Variants in KLHL41 observed in about 807,000 individuals in gnomAD.
KLHL41 encodes kelch like family member 41.
KLHL41 carries 31 observed loss-of-function variants against 49.2 expected under a neutral mutation model. That is an observed-to-expected ratio of 0.63 (90% CI 0.47 to 0.85). KLHL41 has a LOEUF of 0.85. Ranked by LOEUF, KLHL41 falls within the 40% of genes least tolerant of loss-of-function variation. KLHL41 has a pLI of 0.00. For synonymous variants in KLHL41, 218 were observed against 258.5 expected (o/e 0.84, Z 1.50); for missense variants, 663 against 726.7 (o/e 0.91, Z 1.01).
intron 5 of KLHL41, among the ~76,000 whole-genome samples, chr2:169,522,637 CA>C (rs1206151877): frequency 1.3e-5 from 2 of 149,174 alleles, no homozygotes; most frequent in Admixed American, 1.3e-4. Flanking sequence ...GGCCTTAACA[CA>C]GACCAATTAT....
intron 4 of KLHL41, among the ~76,000 whole-genome samples, chr2:169,519,312 A>C (rs1171580355): frequency 2.6e-5 from 4 of 152,178 alleles, no homozygotes; most frequent in African/African-American, 9.7e-5. Context: ...AAATATTATT[A>C]CTTTTTTTAG....
Position 169,510,882 on chromosome 2 carries a change from C to T in KLHL41, c.1104C>T (p.Phe368=). The change falls in exon 1 of 6, where the codon TTC becomes TTT. Residue 368 remains phenylalanine (F), a synonymous_variant. Transcript: ENST00000284669. This position sits in a 1 kb window ranked among gnomAD's most constrained non-coding sequence, Gnocchi z 4.2. Reference sequence around the variant, plus strand: ...AGGATCAACCTCTACAGTCATACTTCTTCCAGGTAAGAAGGACTTTTTGTA... The same window carrying T: ...AGGATCAACCTCTACAGTCATACTTTTTCCAGGTAAGAAGGACTTTTTGTA... The part of the protein sequence containing the change: ...ENKDQPLQSY[F]FQLDSIASEW... The T allele has an allele frequency of 6.2e-7, 1 of 1,611,094 alleles. No homozygotes were observed. Among genetic ancestry groups the T allele is most frequent in the Non-Finnish European group, 8.5e-7 (1 of 1,178,190 alleles).
chr2:169,520,330 G>GTATGTGTGTGTGTGTGT (rs1684184636), intron 4 of KLHL41, among the ~76,000 whole-genome samples: 1 of 148,180 alleles, frequency 6.7e-6, no homozygotes. Context: ...GTGTGTGTGT[G>GTATGTGTGTGTGTGTGT]GAGGCAGTCC....
rs59155387 is a variant in KLHL41 at position 169,520,152 on chromosome 2, CTGTGTGTGTGTGTGTGTGTGTGTGTG to C, written c.1563-677_1563-652del. ...TAGGGACATACCACCAGGCCTAGCT[CTGTGTGTGTGTGTGTGTGTGTGTGTG>C]TGTGTGTGTGTGTGTGTGTGTGTGT... On this transcript the variant is annotated intron_variant, in intron 4 of 5. Coordinates refer to ENST00000284669, the MANE Select transcript of KLHL41 (RefSeq NM_006063.3). Among the ~76,000 whole-genome samples, 92 of 105,036 alleles carry C rather than the reference CTGTGTGTGTGTGTGTGTGTGTGTGTG, an allele frequency of 8.8e-4. 2 individuals are homozygous for C. Among genetic ancestry groups the C allele is most frequent in the Admixed American group, 3.9e-3 (39 of 10,090 alleles). The allele number at this position is 105,036 out of a possible 152,430, so 68.9% of individuals were successfully genotyped here.
chr2:169,509,834 T>C lies in KLHL41; in HGVS notation c.56T>C (p.Leu19Pro). ...CTGCGGCTTTACCAATCCACCCTTC[T>C]TCAGGATGGTCTAAAAGATCTCCTG... The part of the protein sequence containing the change: ...EELRLYQSTL[L>P]QDGLKDLLDE... Residue 19 changes from leucine to proline, a missense_variant, in exon 1 of 6, where the codon CTT becomes CCT. This residue lies in a region of KLHL41 where 129 missense variants were observed against 122.1 expected (regional missense o/e 1.06). Coordinates refer to ENST00000284669, the MANE Select transcript of KLHL41 (RefSeq NM_006063.3). 1 of 1,613,906 alleles carries C rather than the reference T, an allele frequency of 6.2e-7. No homozygotes were observed. Among genetic ancestry groups the C allele is most frequent in the South Asian group, 1.1e-5 (1 of 91,074 alleles).
chr2:169,511,707 T>C (rs949485116), intron 1 of KLHL41, among the ~76,000 whole-genome samples: 3 of 152,236 alleles, frequency 2.0e-5, no homozygotes, highest in South Asian at 2.1e-4. Flanking sequence ...AAGTCGCTAA[T>C]TTGAATTAAT....
chr2:169,518,455 C>G (rs750186432), intron 4 of KLHL41, 80 bp downstream of exon 4: 54 of 1,113,456 alleles, frequency 4.8e-5, no homozygotes, highest in Non-Finnish European at 6.9e-5. Flanking sequence ...AGTTATCTTT[C>G]TAATTAGGAT....
In KLHL41 at chr2:169,525,778, G is replaced by A; in HGVS notation, c.*82G>A. On this transcript the variant is annotated 3_prime_UTR_variant, in exon 6 of 6. Coordinates refer to ENST00000284669, the MANE Select transcript of KLHL41 (RefSeq NM_006063.3). ...AATTTATTCTGTTTTTTAAAAGCTT[G>A]TACAGACACTCATGTAGAAATTATT... is the stretch of plus-strand genomic sequence containing the variant. 3 of 728,374 alleles carry A rather than the reference G, an allele frequency of 4.1e-6. No homozygotes were observed. Among genetic ancestry groups the A allele is most frequent in the Non-Finnish European group, 7.0e-6 (3 of 427,114 alleles). The allele number at this position is 728,374 out of a possible 1,614,324, so 45.1% of individuals were successfully genotyped here. A position where few individuals can be genotyped will look rare whatever the true frequency, so the allele number is the denominator to read the frequency against.
chr2:169,512,326 C>G (rs1684041147), intron 1 of KLHL41, among the ~76,000 whole-genome samples: 1 of 152,042 alleles, frequency 6.6e-6, no homozygotes, highest in Admixed American at 6.6e-5. Flanking sequence ...GCTATAAATA[C>G]ATCCAGGAAG....
intron 3 of KLHL41, among the ~76,000 whole-genome samples, chr2:169,517,127 A>G (rs529793330): frequency 1.3e-5 from 2 of 152,350 alleles, no homozygotes; most frequent in South Asian, 4.1e-4. Context: ...AATGATACCA[A>G]TAGTCAAATA....
chr2:169,525,646 G>A lies in KLHL41; in HGVS notation c.1771G>A (p.Ala591Thr). 1 of 1,613,614 alleles carries A rather than the reference G, an allele frequency of 6.2e-7. No individual in the cohort carries two copies. The highest frequency in any genetic ancestry group is 8.5e-7 in the Non-Finnish European group (1 of 1,179,558). The change falls in exon 6 of 6, where the codon GCT becomes ACT. Residue 591 changes from alanine to threonine, a missense_variant. Around this residue, in one of 3 missense-constraint regions of KLHL41, gnomAD observed 528 missense variants for 581.0 expected, o/e 0.91. Transcript: ENST00000284669. ...GAAGGAAATACGTTATGCTTCAGGA[G>A]CTAGTTGCCTAGCAACACGTTTAAA... ...MLKEIRYASG[A>T]SCLATRLNLF...
chr2:169,516,539 AC>A (rs1029596179), intron 3 of KLHL41, among the ~76,000 whole-genome samples: 10 of 152,194 alleles, frequency 6.6e-5, no homozygotes, highest in Non-Finnish European at 1.2e-4. Context: ...CTTTGGAAAC[AC>A]AGGAACCCTG....
intron 4 of KLHL41, among the ~76,000 whole-genome samples, chr2:169,519,651 C>G (rs1419297255): frequency 7.2e-6 from 1 of 138,482 alleles, no homozygotes; most frequent in Non-Finnish European, 1.5e-5. Flanking sequence ...TTTTCTCAAA[C>G]TTTTTTTTTT....
chr2:169,525,826 T>C lies in KLHL41; in HGVS notation c.*130T>C. The stretch of plus-strand genomic sequence containing the variant: ...ATTCAAGAAGTTATTGTCTAAGAGA[T>C]GAGCAGTAGGTAAGAAAACCTCAGT... On this transcript the variant is annotated 3_prime_UTR_variant, in exon 6 of 6. Transcript: ENST00000284669. The C allele has an allele frequency of 3.7e-6, 2 of 537,602 alleles. No individual in the cohort carries two copies. Among genetic ancestry groups the C allele is most frequent in the Non-Finnish European group, 6.6e-6 (2 of 304,202 alleles). 33.3% of individuals were successfully genotyped at this position (537,602 alleles called of 1,614,324 possible).
Position 169,510,999 on chromosome 2 carries a change from GTCCTATTCCAGT to G in KLHL41, c.1110+112_1110+123del. On this transcript the variant is annotated intron_variant, in intron 1 of 5. Transcript: ENST00000284669. This position sits in a 1 kb window ranked among gnomAD's most constrained non-coding sequence, Gnocchi z 4.2. ...CTGCTTGCATTTTACTCTAATTGATGTCCTATTCCAGTCCCTTGCACTTTTGCTGTATAGAGC... is the reference window on the plus strand; with the variant it reads ...CTGCTTGCATTTTACTCTAATTGATGCCCTTGCACTTTTGCTGTATAGAGC... 1.1e-6 allele frequency: 1 copy of G among 890,394 alleles called. No individual in the cohort carries two copies. The highest frequency in any genetic ancestry group is 1.7e-6 in the Non-Finnish European group (1 of 576,132). 55.2% of individuals were successfully genotyped at this position (890,394 alleles called of 1,614,324 possible).
intron 3 of KLHL41, among the ~76,000 whole-genome samples, chr2:169,516,624 G>T (rs941121444): frequency 3.3e-5 from 5 of 152,198 alleles, no homozygotes; most frequent in Admixed American, 2.6e-4. Context: ...GAAGCATACA[G>T]TTCTTGTCAG....
intron 4 of KLHL41, among the ~76,000 whole-genome samples, chr2:169,520,642 G>T (rs919165690): frequency 6.6e-6 from 1 of 151,288 alleles, no homozygotes; most frequent in African/African-American, 2.4e-5. Flanking sequence ...TGGTAGAGGT[G>T]GGGTTTCACC....
intron 5 of KLHL41, among the ~76,000 whole-genome samples, chr2:169,523,818 T>C (rs1316465911): frequency 6.6e-6 from 1 of 152,054 alleles, no homozygotes; most frequent in African/African-American, 2.4e-5. Flanking sequence ...ACTCTGGGGG[T>C]GATAGGGCCA....
At chr2:169,511,275 C>T (rs1009298644) in intron 1 of KLHL41, among the ~76,000 whole-genome samples, 2 of 152,138 alleles carry the variant, frequency 1.3e-5, no homozygotes, top group African/African-American at 4.8e-5. Flanking sequence ...GTCTCGAACT[C>T]CTGGGCTCAA....
Sources: gnomAD v4.1 joint callset for allele counts (sites outside exome capture counted in the v4.1 genomes callset) on GRCh38, gnomAD v4.1.1 for gene constraint, gnomAD v4.1.1 regional missense constraint, Gnocchi (gnomAD v3.1) non-coding constraint, MANE v1.5 for transcripts, NCBI Gene and HGNC (gene_info 2026-07-23, HGNC 2026-07-21) for gene names.